The following AGBL4 variants were observed in gnomAD, a reference collection of about 807,000 sequenced individuals.
AGBL4 encodes the protein cytosolic carboxypeptidase 6.
A neutral mutation model predicts 66.4 loss-of-function variants in AGBL4; 58 were observed. The ratio of observed to expected loss-of-function variants is 0.87; its 90% CI spans 0.71 to 1.09. The LOEUF is 1.09. Among genes scored for constraint, AGBL4 ranks in the 50% least tolerant of loss-of-function variants. AGBL4 has a pLI of 0.00. For synonymous variants in AGBL4, 234 were observed against 222.9 expected (o/e 1.05, Z -0.44); for missense variants, 579 against 631.0 (o/e 0.92, Z 0.88).
At chr1:48,868,275 C>CA (rs1648306854) in intron 5 of AGBL4, among the ~76,000 whole-genome samples, 2 of 152,212 alleles carry the variant, frequency 1.3e-5, no homozygotes. Context: ...TTTACCTCCC[C>CA]TGCATTTCCC....
intron 3 of AGBL4, among the ~76,000 whole-genome samples, chr1:49,479,303 CTTTTA>C (rs991447715): frequency 2.7e-5 from 4 of 149,624 alleles, no homozygotes; most frequent in Non-Finnish European, 4.5e-5. Context: ...TTTTTTTTTA[CTTTTA>C]TTTTAAGTTC....
chr1:48,904,950 T>C (rs11590445), intron 5 of AGBL4, among the ~76,000 whole-genome samples: 54,923 of 152,118 alleles, frequency 0.36, 12,430 homozygotes, highest in Non-Finnish European at 0.5. Context: ...GCAAGGCTCA[T>C]GACACTCTCC....
intron 5 of AGBL4, among the ~76,000 whole-genome samples, chr1:48,985,982 C>A (rs1372704771): frequency 6.6e-6 from 1 of 152,018 alleles, no homozygotes; most frequent in East Asian, 1.9e-4. Context: ...AATCAAGCGT[C>A]TGTAGATAAA....
At chr1:48,614,394 A>G (rs1645286065) in intron 9 of AGBL4, among the ~76,000 whole-genome samples, 1 of 152,258 alleles carries the variant, frequency 6.6e-6, no homozygotes, top group African/African-American at 2.4e-5. Flanking sequence ...TTCTGGCTCC[A>G]AGGGTCTGTG....
chr1:49,068,068 A>C (rs1306111208), intron 4 of AGBL4, among the ~76,000 whole-genome samples: 2 of 152,166 alleles, frequency 1.3e-5, no homozygotes, highest in Non-Finnish European at 2.9e-5. Context: ...CATTAAATAG[A>C]TGAATTAAAT....
chr1:49,891,027 A>C (rs984567020), intron 1 of AGBL4, among the ~76,000 whole-genome samples: 15 of 152,224 alleles, frequency 9.9e-5, no homozygotes, highest in Non-Finnish European at 1.9e-4. Flanking sequence ...ACTTTAGATA[A>C]GATGGTAGGG....
At position 49,023,545 on chromosome 1, in the gene AGBL4, A is replaced by T. The variant is rs995274320; in HGVS notation, c.594+22039T>A. On this transcript the variant is annotated intron_variant, in intron 5 of 13. Transcript: ENST00000371839. ...AAGATTTCAAATATGGACTTTACCA[A>T]TAAAAGCCACAATAATCATTATTTG... Among the ~76,000 whole-genome samples the T allele has an allele frequency of 1.3e-5, 2 of 152,214 alleles. 1 individual carries two copies. The highest frequency in any genetic ancestry group is 4.1e-4 in the South Asian group (2 of 4,826).
intron 3 of AGBL4, among the ~76,000 whole-genome samples, chr1:49,258,300 G>A (rs1360507934): frequency 6.6e-6 from 1 of 152,218 alleles, no homozygotes; most frequent in Non-Finnish European, 1.5e-5. Flanking sequence ...AACAAAGCTG[G>A]ATGGAGAATG....
intron 11 of AGBL4, among the ~76,000 whole-genome samples, chr1:48,548,913 T>TTTATCA (rs1644208189): frequency 1.3e-5 from 2 of 152,214 alleles, no homozygotes; most frequent in Non-Finnish European, 2.9e-5. Context: ...CATTTATATA[T>TTTATCA]TCATATTAAG....
intron 3 of AGBL4, among the ~76,000 whole-genome samples, chr1:49,267,548 C>G (rs1259270577): frequency 6.6e-6 from 1 of 152,026 alleles, no homozygotes; most frequent in Non-Finnish European, 1.5e-5. Flanking sequence ...GGCATGGTGG[C>G]ACACGCCTGT....
chr1:49,935,147 G>C (rs879286339), intron 1 of AGBL4, among the ~76,000 whole-genome samples: 1 of 152,192 alleles, frequency 6.6e-6, no homozygotes, highest in Non-Finnish European at 1.5e-5. Flanking sequence ...GCGCTTTTCC[G>C]ATGGGCTTAA....
chr1:48,676,573 G>T (rs1273140106), intron 6 of AGBL4, among the ~76,000 whole-genome samples: 2 of 152,198 alleles, frequency 1.3e-5, no homozygotes, highest in East Asian at 3.9e-4. Flanking sequence ...TGATATAAAT[G>T]TTTACTGACT....
intron 5 of AGBL4, among the ~76,000 whole-genome samples, chr1:49,041,873 A>G (rs956234250): frequency 6.6e-6 from 1 of 152,072 alleles, no homozygotes; most frequent in Non-Finnish European, 1.5e-5. Flanking sequence ...ACCAACTACC[A>G]CCATCAGGCA....
chr1:49,798,893 T>A (rs947991870), intron 2 of AGBL4, among the ~76,000 whole-genome samples: 3 of 152,184 alleles, frequency 2.0e-5, no homozygotes, highest in Non-Finnish European at 4.4e-5. Flanking sequence ...AGTGTTTGGT[T>A]GCAGATAAAA....
chr1:49,057,043 T>G (rs961644442), intron 4 of AGBL4, among the ~76,000 whole-genome samples: 2 of 152,190 alleles, frequency 1.3e-5, no homozygotes, highest in Admixed American at 6.5e-5. Flanking sequence ...AAAAGTATTC[T>G]ACTCTGCCAA....
intron 5 of AGBL4, among the ~76,000 whole-genome samples, chr1:48,898,623 C>T (rs1461505479): frequency 6.7e-6 from 1 of 149,204 alleles, no homozygotes; most frequent in Non-Finnish European, 1.5e-5. Flanking sequence ...TCCGGATTCT[C>T]TATTCTGTTT....
chr1:49,642,085 T>C (rs945875410), intron 3 of AGBL4, among the ~76,000 whole-genome samples: 7 of 152,016 alleles, frequency 4.6e-5, no homozygotes, highest in Non-Finnish European at 1.5e-5. Flanking sequence ...AGTAATATTT[T>C]CCTTGTAATA....
chr1:49,410,844 C>T (rs960268004), intron 3 of AGBL4, among the ~76,000 whole-genome samples: 5 of 152,116 alleles, frequency 3.3e-5, no homozygotes, highest in Admixed American at 3.3e-4. Flanking sequence ...ACAGTAACGT[C>T]AATGATGGCA....
At chr1:49,937,564 T>C (rs1654217201) in intron 1 of AGBL4, among the ~76,000 whole-genome samples, 2 of 152,090 alleles carry the variant, frequency 1.3e-5, no homozygotes, top group East Asian at 3.8e-4. Context: ...ACCACACCTA[T>C]TCCAAAATTG....
Sources: gnomAD v4.1 joint callset for allele counts (sites outside exome capture counted in the v4.1 genomes callset) on GRCh38, gnomAD v4.1.1 for gene constraint, MANE v1.5 for transcripts, NCBI Gene and HGNC (gene_info 2026-07-23, HGNC 2026-07-21) for gene names.